Variants in CEP104 observed in about 807,000 individuals in gnomAD.
The protein encoded by CEP104 is centrosomal protein of 104 kDa.
Under a neutral mutation model 113.3 loss-of-function variants are expected in CEP104, and 84 were observed. The ratio of observed to expected loss-of-function variants is 0.74; its 90% CI spans 0.62 to 0.89. CEP104 has a LOEUF of 0.89. CEP104 is among the 40% of genes least tolerant of loss of function. CEP104 has a pLI of 0.00. For synonymous variants in CEP104, 378 were observed against 421.7 expected, an observed-to-expected ratio of 0.90 and a Z score of 1.27; for missense variants, 1,053 against 1,156.6, an observed-to-expected ratio of 0.91 and a Z score of 1.30.
At chr1:3,847,896 G>A (rs970013111) in intron 3 of CEP104, among the ~76,000 whole-genome samples, 2 of 151,962 alleles carry the variant, frequency 1.3e-5, no homozygotes, top group African/African-American at 2.4e-5. Context: ...GTGCAGTGGC[G>A]CGATCTTGGC....
chr1:3,846,900 G>C (rs1465716010), intron 4 of CEP104, among the ~76,000 whole-genome samples: 1 of 152,192 alleles, frequency 6.6e-6, no homozygotes, highest in Admixed American at 6.5e-5. Context: ...GAAAGAAAGG[G>C]AGGGAGGAAG....
At position 3,852,389 on chromosome 1, in the gene CEP104, A is replaced by G; in HGVS notation, c.19T>C (p.Phe7Leu). ...TGTCCAGATGAGCTGACGACTACAAATCCAATCTTGTGGGGCATTCTGCAC... is the reference window on the plus strand; with the variant it reads ...TGTCCAGATGAGCTGACGACTACAAGTCCAATCTTGTGGGGCATTCTGCAC... Reference protein sequence around the residue: MPHKIGFVVVSSSGHED... With the variant: MPHKIGLVVVSSSGHED... Residue 7 changes from phenylalanine (F) to leucine (L), a missense_variant, in exon 2 of 22, where the codon TTT (phenylalanine) becomes CTT (leucine). Phe to Leu is a conservative substitution (Grantham distance 22, BLOSUM62 0). Transcript: ENST00000378230. The G allele has an allele frequency of 6.2e-7, 1 of 1,613,998 alleles. No homozygotes were observed. The highest frequency in any genetic ancestry group is 8.5e-7 in the Non-Finnish European group (1 of 1,179,952).
Position 3,816,367 on chromosome 1 carries a change from A to G in CEP104, c.2575T>C (p.Trp859Arg), listed in dbSNP as rs1196018458. The G allele has an allele frequency of 3.2e-6, 5 of 1,551,024 alleles. No homozygotes were observed. Among genetic ancestry groups the G allele is most frequent in the Non-Finnish European group, 4.4e-6 (5 of 1,147,014 alleles). Residue 859 changes from tryptophan to arginine, a missense_variant, in exon 21 of 22, where the codon TGG (tryptophan) becomes CGG (arginine). By Grantham distance (101) the Trp-to-Arg change is moderately radical. Transcript: ENST00000378230. ...GCTGGGCCCATCAGGTGAGCTTTCC[A>G]TGCCTGCAGCAGAGGAGGCACACAG... ...HENFSPGEEA[W>R]KAHLMGPAGC... is the part of the protein sequence containing the mutation.
chr1:3,853,116 G>GA (rs1644648624), intron 1 of CEP104, among the ~76,000 whole-genome samples: 1 of 152,112 alleles, frequency 6.6e-6, no homozygotes, highest in African/African-American at 2.4e-5. Flanking sequence ...TATTAGTTAG[G>GA]AAACTAATAC....
At chr1:3,827,608 G>A (rs1409475202) in intron 15 of CEP104, among the ~76,000 whole-genome samples, 1 of 152,230 alleles carries the variant, frequency 6.6e-6, no homozygotes, top group African/African-American at 2.4e-5. Flanking sequence ...GCACAACAAT[G>A]TGAGAGCACT....
At chr1:3,833,644 A>T (rs1332258962) in intron 12 of CEP104, 101 of 387,182 alleles carry the variant, frequency 2.6e-4, no homozygotes, top group Non-Finnish European at 3.8e-4. Flanking sequence ...TATGTTGGAT[A>T]AAAAAAACAT....
chr1:3,817,990 C>T (rs922237383), intron 20 of CEP104, among the ~76,000 whole-genome samples: 2 of 152,256 alleles, frequency 1.3e-5, no homozygotes, highest in Non-Finnish European at 2.9e-5. Flanking sequence ...CCCAGGCACA[C>T]GCGTGTGTGA....
At chr1:3,833,233 C>A (rs1373395532) in intron 12 of CEP104, among the ~76,000 whole-genome samples, 1 of 151,760 alleles carries the variant, frequency 6.6e-6, no homozygotes, top group Non-Finnish European at 1.5e-5. Context: ...CCTGCCTGAG[C>A]CTCCCAAAGT....
At chr1:3,830,059 C>CA in intron 13 of CEP104, 62 bp from the exon 14 acceptor site, 1 of 1,202,954 alleles carries the variant, frequency 8.3e-7, no homozygotes, top group East Asian at 2.3e-5. Context: ...TTCCAGCTTA[C>CA]AAAAAAGGTA....
At chr1:3,853,388 G>A (rs748718829) in intron 1 of CEP104, among the ~76,000 whole-genome samples, 1 of 147,614 alleles carries the variant, frequency 6.8e-6, no homozygotes, top group Non-Finnish European at 1.5e-5. Flanking sequence ...ATTTGGGTTA[G>A]GTCTAAATCA....
chr1:3,826,837 T>C, intron 15 of CEP104, 93 bp from the exon 16 acceptor site: 1 of 1,339,794 alleles, frequency 7.5e-7, no homozygotes, highest in Non-Finnish European at 1.1e-6. Flanking sequence ...CGAAAGCACA[T>C]TTCTGGGTTT....
chr1:3,836,165 G>C (rs1201370718), intron 10 of CEP104, among the ~76,000 whole-genome samples: 1 of 152,132 alleles, frequency 6.6e-6, no homozygotes, highest in Non-Finnish European at 1.5e-5. Flanking sequence ...AATTAGCCAG[G>C]CGTGGTGGCG....
intron 18 of CEP104, among the ~76,000 whole-genome samples, chr1:3,824,013 T>C (rs958860548): frequency 6.6e-6 from 1 of 152,204 alleles, no homozygotes; most frequent in Admixed American, 6.5e-5. Context: ...ATATACTCTA[T>C]AACTTCAGGC....
intron 20 of CEP104, among the ~76,000 whole-genome samples, chr1:3,821,902 TATGG>T (rs971671028): frequency 1.3e-5 from 2 of 152,218 alleles, no homozygotes; most frequent in Non-Finnish European, 2.9e-5. Context: ...CGGGGCCTTC[TATGG>T]ATCCCGGTAA....
At chr1:3,844,588 C>T (rs1397383620) in intron 6 of CEP104, among the ~76,000 whole-genome samples, 1 of 151,268 alleles carries the variant, frequency 6.6e-6, no homozygotes, top group Non-Finnish European at 1.5e-5. Context: ...ATCCCAGCTA[C>T]TCAGGAGACT....
At chr1:3,851,053 G>A (rs530111073) in intron 2 of CEP104, among the ~76,000 whole-genome samples, 3 of 152,226 alleles carry the variant, frequency 2.0e-5, no homozygotes, top group Non-Finnish European at 2.9e-5. Context: ...GGCTGCCCCC[G>A]TGGGTGTGCT....
chr1:3,823,697 T>C lies in CEP104; in HGVS notation c.2365-135A>G. On this transcript the variant is annotated intron_variant, in intron 18 of 21. Transcript: ENST00000378230. The surrounding 1 kb of genome is among the most constrained non-coding windows in gnomAD (Gnocchi z 4.1). ...CTGCACATGAAGTAAGCCACAGGCT[T>C]CTATCTTCGGCATTTGCCCACAGAC... 9.6e-7 allele frequency: 1 copy of C among 1,045,398 alleles called. No homozygotes were observed. The highest frequency in any genetic ancestry group is 2.4e-5 in the East Asian group (1 of 41,630). The allele number at this position is 1,045,398 out of a possible 1,614,324, so 64.8% of individuals were successfully genotyped here. A position where few individuals can be genotyped will look rare whatever the true frequency, so the allele number is the denominator to read the frequency against.
intron 12 of CEP104, 59 bp downstream of exon 12, chr1:3,833,803 G>T: frequency 6.6e-7 from 1 of 1,518,246 alleles, no homozygotes. Context: ...AAGAAAGCCA[G>T]AGAGCTACAG....
At position 3,823,035 on chromosome 1, in the gene CEP104, T is replaced by C. The variant is rs1019765237; in HGVS notation, c.2571+139A>G. On this transcript the variant is annotated intron_variant, in intron 20 of 21. Transcript: ENST00000378230. This position sits in a 1 kb window ranked among gnomAD's most constrained non-coding sequence, Gnocchi z 4.1. ...GAACGACTGCTCAGACAGGGCTCAC[T>C]AGACGCTGTCCCCTCCCTGAACACT... The C allele has an allele frequency of 5.4e-6, 4 of 740,784 alleles. No homozygotes were observed. Among genetic ancestry groups the C allele is most frequent in the African/African-American group, 3.5e-5 (2 of 57,470 alleles). 45.9% of individuals were successfully genotyped at this position (740,784 alleles called of 1,614,324 possible). A position where few individuals can be genotyped will look rare whatever the true frequency, so the allele number is the denominator to read the frequency against.
Sources: gnomAD v4.1 joint callset for allele counts (sites outside exome capture counted in the v4.1 genomes callset) on GRCh38, gnomAD v4.1.1 for gene constraint, Gnocchi (gnomAD v3.1) non-coding constraint, MANE v1.5 for transcripts, NCBI Gene and HGNC (gene_info 2026-07-23, HGNC 2026-07-21) for gene names.